CHRM2: variants seen among roughly 807,000 people sequenced by gnomAD.
CHRM2 encodes muscarinic acetylcholine receptor M2.
Under a neutral mutation model 25.0 loss-of-function variants are expected in CHRM2, and 8 were observed. That is an observed-to-expected ratio of 0.32 (90% CI 0.19 to 0.58). The LOEUF is 0.58. CHRM2 is among the 20% of genes least tolerant of loss of function. The probability of loss-of-function intolerance (pLI) is 0.88; values close to 1 mark genes in which losing one functional copy is unlikely to be tolerated. For synonymous variants in CHRM2, 202 were observed against 205.7 expected, an observed-to-expected ratio of 0.98 and a Z score of 0.15; for missense variants, 440 against 567.1, an observed-to-expected ratio of 0.78 and a Z score of 2.28.
intron 2 of CHRM2, among the ~76,000 whole-genome samples, chr7:136,950,657 A>G (rs1800353846): frequency 6.6e-6 from 1 of 152,206 alleles, no homozygotes; most frequent in Non-Finnish European, 1.5e-5. Flanking sequence ...TAAAAACAAC[A>G]AAAAAAGAAA....
chr7:136,983,018 T>C (rs111786616), intron 2 of CHRM2, among the ~76,000 whole-genome samples: 1,892 of 152,322 alleles, frequency 0.012, 39 homozygotes, highest in African/African-American at 0.043. Context: ...TTCTCTTGGA[T>C]AATATCCTGA....
Position 136,919,848 on chromosome 7 carries a change from C to T in CHRM2, c.-125+50430C>T, listed in dbSNP as rs145567760. Among the ~76,000 whole-genome samples the T allele has an allele frequency of 5.4e-3, 824 of 152,196 alleles. 7 individuals carry two copies. The highest frequency in any genetic ancestry group is 0.019 in the African/African-American group (785 of 41,524). On this transcript the variant is annotated intron_variant, in intron 2 of 3. Coordinates refer to ENST00000680005, the MANE Select transcript of CHRM2 (RefSeq NM_001006630.2). ...ACTTTTATTATTTTGGCCCTTTCAG[C>T]TCTATTGGGTTCTTATGTATACTTC...
chr7:136,900,497 T>C (rs1797138262), intron 2 of CHRM2, among the ~76,000 whole-genome samples: 2 of 151,936 alleles, frequency 1.3e-5, no homozygotes, highest in Admixed American at 1.3e-4. Context: ...TTCAGTTTGG[T>C]TCTCCCAGAA....
chr7:136,964,670 T>C (rs1801302976), intron 2 of CHRM2, among the ~76,000 whole-genome samples: 1 of 152,194 alleles, frequency 6.6e-6, no homozygotes, highest in African/African-American at 2.4e-5. Flanking sequence ...CTATGTAGTC[T>C]GCCTATGTAG....
rs112206296 is a variant in CHRM2 at position 136,951,513 on chromosome 7, A to C, written c.-124-40674A>C. On this transcript the variant is annotated intron_variant, in intron 2 of 3. Coordinates refer to ENST00000680005, the MANE Select transcript of CHRM2 (RefSeq NM_001006630.2). Reference sequence around the variant, plus strand: ...ACGTCCCTTTTGTTTCACAGTATTTATAACGCACTTGGCAGATCTGCATTC... The same window carrying C: ...ACGTCCCTTTTGTTTCACAGTATTTCTAACGCACTTGGCAGATCTGCATTC... 7.0e-3 allele frequency among the ~76,000 whole-genome samples: 1,067 copies of C among 152,290 alleles called. 4 individuals are homozygous for C. Among genetic ancestry groups the C allele is most frequent in the Non-Finnish European group, 0.012 (829 of 68,022 alleles).
chr7:136,906,385 T>C lies in CHRM2; in HGVS notation c.-125+36967T>C, dbSNP rs368638252. ...TATATGTATGTATTATATTTATATA[T>C]GTATGTATTATACATATGTAATATG... On this transcript the variant is annotated intron_variant, in intron 2 of 3. Coordinates refer to ENST00000680005, the MANE Select transcript of CHRM2 (RefSeq NM_001006630.2). Among the ~76,000 whole-genome samples, 6 of 151,278 alleles carry C rather than the reference T, an allele frequency of 4.0e-5. No homozygotes were observed. The East Asian group carries it at 9.8e-4, about 25-fold the overall frequency.
intron 2 of CHRM2, among the ~76,000 whole-genome samples, chr7:136,963,755 CA>C (rs1801241452): frequency 6.6e-6 from 1 of 151,886 alleles, no homozygotes; most frequent in South Asian, 2.1e-4. Flanking sequence ...GCATTTAAAT[CA>C]AAATCACTTA....
chr7:136,882,497 T>C (rs1279732530), intron 2 of CHRM2, among the ~76,000 whole-genome samples: 2 of 151,702 alleles, frequency 1.3e-5, no homozygotes, highest in Non-Finnish European at 2.9e-5. Context: ...TCTTGGCACA[T>C]AGCAGAGCTC....
chr7:136,991,510 A>G (rs1252271642), intron 2 of CHRM2, among the ~76,000 whole-genome samples: 2 of 152,090 alleles, frequency 1.3e-5, no homozygotes, highest in Non-Finnish European at 2.9e-5. Flanking sequence ...TATTTTGCCA[A>G]TACCAAACTG....
intron 3 of CHRM2, among the ~76,000 whole-genome samples, chr7:136,993,096 C>T (rs921605728): frequency 2.6e-5 from 4 of 152,170 alleles, no homozygotes; most frequent in Non-Finnish European, 4.4e-5. Context: ...CTATCAAAGT[C>T]ATACAGTCAT....
intron 2 of CHRM2, among the ~76,000 whole-genome samples, chr7:136,884,445 T>A: frequency 6.6e-6 from 1 of 152,172 alleles, no homozygotes; most frequent in East Asian, 1.9e-4. Context: ...TAACCATAAA[T>A]GTAATCAGCT....
intron 2 of CHRM2, among the ~76,000 whole-genome samples, chr7:136,872,387 C>T (rs1242352780): frequency 1.3e-5 from 2 of 152,118 alleles, no homozygotes; most frequent in Non-Finnish European, 2.9e-5. Context: ...GAGTGAGTTC[C>T]CATGGTCCTT....
intron 3 of CHRM2, among the ~76,000 whole-genome samples, chr7:137,014,522 T>C (rs1039694221): frequency 6.6e-6 from 1 of 152,174 alleles, no homozygotes; most frequent in African/African-American, 2.4e-5. Flanking sequence ...ATGCTAAGTT[T>C]CATGGATTGA....
chr7:136,945,750 G>A (rs903942311), intron 2 of CHRM2, among the ~76,000 whole-genome samples: 2 of 151,976 alleles, frequency 1.3e-5, no homozygotes, highest in Non-Finnish European at 2.9e-5. Flanking sequence ...CTTCCTGGAG[G>A]CATTCTCACC....
At chr7:137,012,837 T>C (rs967079279) in intron 3 of CHRM2, among the ~76,000 whole-genome samples, 1 of 151,958 alleles carries the variant, frequency 6.6e-6, no homozygotes, top group Non-Finnish European at 1.5e-5. Context: ...TTAATACATT[T>C]TTATAGATAC....
chr7:136,920,597 C>T (rs963238576), intron 2 of CHRM2, among the ~76,000 whole-genome samples: 6 of 152,102 alleles, frequency 3.9e-5, no homozygotes, highest in Non-Finnish European at 8.8e-5. Flanking sequence ...CCCTTACAGG[C>T]TGGGCCACAC....
intron 2 of CHRM2, among the ~76,000 whole-genome samples, chr7:136,972,536 G>A (rs1165512074): frequency 2.0e-5 from 3 of 151,830 alleles, no homozygotes; most frequent in Non-Finnish European, 4.4e-5. Context: ...CGTTTTCTCA[G>A]ATTTAATTTC....
At chr7:136,984,667 C>G (rs897601242) in intron 2 of CHRM2, among the ~76,000 whole-genome samples, 1 of 152,066 alleles carries the variant, frequency 6.6e-6, no homozygotes, top group African/African-American at 2.4e-5. Flanking sequence ...CCTCACGGCA[C>G]AGTCCTTCAC....
intron 2 of CHRM2, among the ~76,000 whole-genome samples, chr7:136,885,707 G>GA (rs1411687701): frequency 5.3e-5 from 8 of 151,984 alleles, no homozygotes; most frequent in Admixed American, 4.6e-4. Flanking sequence ...ATTAGATGAG[G>GA]AAAAAACAAT....
Sources: gnomAD v4.1 joint callset for allele counts (sites outside exome capture counted in the v4.1 genomes callset) on GRCh38, gnomAD v4.1.1 for gene constraint, MANE v1.5 for transcripts, NCBI Gene and HGNC (gene_info 2026-07-23, HGNC 2026-07-21) for gene names.